The following ZNF385D variants were observed in gnomAD, a reference collection of about 807,000 sequenced individuals.
ZNF385D encodes the protein zinc finger protein 659.
A neutral mutation model predicts 35.8 loss-of-function variants in ZNF385D; 15 were observed. The observed-to-expected ratio is 0.42, with a 90% CI of 0.28 to 0.64. ZNF385D has a LOEUF of 0.64. Ranked by LOEUF, ZNF385D falls within the 30% of genes least tolerant of loss-of-function variation. The pLI is 0.23. For synonymous variants in ZNF385D, 212 were observed against 186.8 expected, an observed-to-expected ratio of 1.13 and a Z score of -1.10; for missense variants, 474 against 494.6, an observed-to-expected ratio of 0.96 and a Z score of 0.39.
At chr3:22,084,800 T>C (rs1195909884) in intron 3 of ZNF385D, among the ~76,000 whole-genome samples, 1 of 152,166 alleles carries the variant, frequency 6.6e-6, no homozygotes, top group Non-Finnish European at 1.5e-5. Context: ...ATCACAGTTA[T>C]TCCAAAATTG....
At chr3:22,288,058 CT>C (rs1160286344) in intron 2 of ZNF385D, among the ~76,000 whole-genome samples, 2 of 148,920 alleles carry the variant, frequency 1.3e-5, no homozygotes, top group Non-Finnish European at 2.9e-5. Context: ...GTTTTTTTCT[CT>C]CAGTATTCTG....
chr3:22,204,344 A>G (rs959262479), intron 2 of ZNF385D, among the ~76,000 whole-genome samples: 2 of 152,050 alleles, frequency 1.3e-5, no homozygotes, highest in African/African-American at 4.8e-5. Context: ...CTTGTATGAT[A>G]AAAGACAAGT....
intron 3 of ZNF385D, among the ~76,000 whole-genome samples, chr3:22,050,779 T>C (rs1279099476): frequency 2.6e-5 from 4 of 152,198 alleles, no homozygotes; most frequent in African/African-American, 9.6e-5. Flanking sequence ...TGTATATTTA[T>C]ATTAAATAAA....
At chr3:22,093,851 A>G (rs1024591474) in intron 3 of ZNF385D, among the ~76,000 whole-genome samples, 4 of 152,186 alleles carry the variant, frequency 2.6e-5, no homozygotes, top group South Asian at 2.1e-4. Context: ...ATATGTGCAG[A>G]AAAGTACACA....
rs184117934 is a variant in ZNF385D at position 21,605,084 on chromosome 3, C to A, written c.166-40400G>T. ...GAAATTACACTTTGTCCTAACACTT[C>A]TTAGTAGAAGAAATGAAAGGCATGT... On this transcript the variant is annotated intron_variant, in intron 2 of 7. Coordinates refer to ENST00000281523, the MANE Select transcript of ZNF385D (RefSeq NM_024697.3). 7.2e-4 allele frequency among the ~76,000 whole-genome samples: 109 copies of A among 152,174 alleles called. 1 individual carries two copies. The highest frequency in any genetic ancestry group is 1.5e-3 in the Admixed American group (23 of 15,288).
At chr3:22,168,682 C>A (rs756121823) in intron 3 of ZNF385D, 2 of 428,064 alleles carry the variant, frequency 4.7e-6, no homozygotes, top group Non-Finnish European at 6.2e-6. Flanking sequence ...TTAATGTACT[C>A]TGCTGATAAA....
At chr3:21,680,744 C>A (rs1181531436) in intron 1 of ZNF385D, among the ~76,000 whole-genome samples, 1 of 152,168 alleles carries the variant, frequency 6.6e-6, no homozygotes, top group Non-Finnish European at 1.5e-5. Context: ...CTGGGGAAAT[C>A]TTGATAACAA....
chr3:21,729,780 C>CTAGG (rs2068914397), intron 1 of ZNF385D, among the ~76,000 whole-genome samples: 1 of 152,182 alleles, frequency 6.6e-6, no homozygotes, highest in Non-Finnish European at 1.5e-5. Context: ...CTGCCAGAAA[C>CTAGG]TAGGCCTACA....
chr3:22,264,708 C>A lies in ZNF385D; in HGVS notation c.107-95673G>T, dbSNP rs138481639. ...ACACCTATTGGTGCAGAACTTGGTA[C>A]ACCAATTAGGTGATTAATGAATACT... is the stretch of plus-strand genomic sequence containing the variant. On this transcript the variant is annotated intron_variant, in intron 2 of 5. Transcript: ENST00000494108. Among the ~76,000 whole-genome samples the A allele has an allele frequency of 1.4e-3, 217 of 152,014 alleles. 2 individuals carry two copies. The East Asian group carries it at 0.039, about 27-fold the overall frequency.
At chr3:21,484,492 G>A (rs1261668047) in intron 4 of ZNF385D, among the ~76,000 whole-genome samples, 2 of 152,172 alleles carry the variant, frequency 1.3e-5, no homozygotes, top group Non-Finnish European at 2.9e-5. Context: ...CTCCTGCGAT[G>A]TCTCTCCAGT....
chr3:21,901,157 T>G (rs1286858490), intron 3 of ZNF385D, among the ~76,000 whole-genome samples: 1 of 152,182 alleles, frequency 6.6e-6, no homozygotes, highest in Non-Finnish European at 1.5e-5. Context: ...CTATTTCCAT[T>G]TATAGATGAT....
At chr3:22,317,187 G>T (rs144774659) in intron 2 of ZNF385D, among the ~76,000 whole-genome samples, 13 of 128,728 alleles carry the variant, frequency 1.0e-4, no homozygotes, top group African/African-American at 2.9e-5. Context: ...TGGGGCAGAA[G>T]AATCACTTGA....
At chr3:22,173,362 A>G (rs961440849) in intron 2 of ZNF385D, among the ~76,000 whole-genome samples, 2 of 152,204 alleles carry the variant, frequency 1.3e-5, no homozygotes, top group African/African-American at 2.4e-5. Context: ...TAATAAATGT[A>G]CCGTATTTAC....
At chr3:21,494,414 C>A (rs1219041089) in intron 4 of ZNF385D, among the ~76,000 whole-genome samples, 1 of 152,122 alleles carries the variant, frequency 6.6e-6, no homozygotes, top group Admixed American at 6.6e-5. Flanking sequence ...ATGAAAGGAA[C>A]TACCTTGAGT....
rs568194772 is a variant in ZNF385D, at chr3:22,242,880, T to C, written c.107-73845A>G. 2.3e-3 allele frequency among the ~76,000 whole-genome samples: 350 copies of C among 151,146 alleles called. 17 individuals carry two copies. Among genetic ancestry groups the C allele is most frequent in the African/African-American group, 8.2e-3 (336 of 40,992 alleles). On this transcript the variant is annotated intron_variant, in intron 2 of 5. Transcript: ENST00000494108. ...CTGTTAGATTTATAGAAGAGGGGTA[T>C]ACAGAAACTAATGTTCTGTTAGATT...
chr3:22,067,525 C>T (rs1213538711), intron 3 of ZNF385D, among the ~76,000 whole-genome samples: 1 of 152,256 alleles, frequency 6.6e-6, no homozygotes, highest in South Asian at 2.1e-4. Context: ...TAAGCTATGA[C>T]AAAACAGAAG....
intron 2 of ZNF385D, among the ~76,000 whole-genome samples, chr3:21,662,082 T>G (rs1250405823): frequency 2.6e-5 from 4 of 152,164 alleles, no homozygotes; most frequent in Non-Finnish European, 5.9e-5. Flanking sequence ...CTGATCATCA[T>G]GGACTTTGCT....
At chr3:21,547,742 G>A (rs576348243) in intron 3 of ZNF385D, among the ~76,000 whole-genome samples, 3 of 151,324 alleles carry the variant, frequency 2.0e-5, no homozygotes, top group African/African-American at 7.3e-5. Flanking sequence ...TCAGCCTCCC[G>A]AGTAGCTGGG....
intron 3 of ZNF385D, among the ~76,000 whole-genome samples, chr3:21,848,208 C>T (rs1208328808): frequency 1.3e-5 from 2 of 151,832 alleles, no homozygotes; most frequent in Non-Finnish European, 1.5e-5. Flanking sequence ...AATAATATTT[C>T]GATCTATGTG....
Sources: allele counts gnomAD v4.1 joint callset (sites outside exome capture counted in the v4.1 genomes callset), GRCh38; gene constraint gnomAD v4.1.1; transcripts MANE v1.5; gene names NCBI Gene and HGNC (gene_info 2026-07-23, HGNC 2026-07-21).